The following TM4SF4 variants were observed in gnomAD, a reference collection of about 807,000 sequenced individuals.
The protein encoded by TM4SF4 is transmembrane 4 L6 family member 4.
TM4SF4 carries 24 observed loss-of-function variants against 24.1 expected under a neutral mutation model. The observed-to-expected ratio is 1.00, with a 90% CI of 0.72 to 1.40. The LOEUF (loss-of-function observed/expected upper bound fraction) is 1.40, where lower values mean the gene tolerates loss of function less well. Among genes scored for constraint, TM4SF4 ranks in the 40% most tolerant of loss-of-function variants. The pLI is 0.00. For missense variants in TM4SF4, 254 were observed against 254.2 expected (o/e 1.00, Z 0.01); for synonymous variants, 113 against 97.0 (o/e 1.17, Z -0.97).
chr3:149,496,639 G>A (rs1734316398), intron 3 of TM4SF4, among the ~76,000 whole-genome samples: 1 of 152,108 alleles, frequency 6.6e-6, no homozygotes, highest in Non-Finnish European at 1.5e-5. Flanking sequence ...GTGGTGGCAT[G>A]TGTCTGTAAT....
At chr3:149,497,848 T>C (rs568494486) in intron 3 of TM4SF4, among the ~76,000 whole-genome samples, 2 of 152,302 alleles carry the variant, frequency 1.3e-5, no homozygotes, top group Admixed American at 1.3e-4. Flanking sequence ...TTTTGCCATG[T>C]TGGCCAGGCT....
chr3:149,486,393 C>CT (rs1168520928), intron 2 of TM4SF4, among the ~76,000 whole-genome samples: 1 of 152,184 alleles, frequency 6.6e-6, no homozygotes, highest in African/African-American at 2.4e-5. Context: ...GGTCTGCTGA[C>CT]TTTAAACCCT....
chr3:149,483,956 G>T (rs1257494295), intron 2 of TM4SF4, among the ~76,000 whole-genome samples: 1 of 151,896 alleles, frequency 6.6e-6, no homozygotes, highest in African/African-American at 2.4e-5. Context: ...AATTTTTGTA[G>T]CTTTTGTAGA....
Position 149,498,872 on chromosome 3 carries a change from G to C in TM4SF4, c.552G>C (p.Gly184=). The C allele has an allele frequency of 6.2e-7, 1 of 1,613,954 alleles. No homozygotes were observed. ...TCCAGGTGGTCAATGGCCTCCTGGG[G>C]ACCCTCTGTGGGGACTGCCAGTGTT... ...CAIQVVNGLL[G]TLCGDCQCCG... is the part of the protein sequence containing the mutation. Residue 184 remains glycine, a synonymous_variant, in exon 4 of 5, where the codon GGG becomes GGC. Transcript: ENST00000305354.
intron 2 of TM4SF4, among the ~76,000 whole-genome samples, chr3:149,479,864 G>A (rs923200455): frequency 3.3e-5 from 5 of 152,132 alleles, no homozygotes; most frequent in Admixed American, 6.5e-5. Flanking sequence ...ACATTCCCCA[G>A]AGGCCAACTG....
At chr3:149,476,113 G>A (rs1235232937) in intron 2 of TM4SF4, among the ~76,000 whole-genome samples, 1 of 152,168 alleles carries the variant, frequency 6.6e-6, no homozygotes, top group African/African-American at 2.4e-5. Context: ...ATACTTATAG[G>A]GTATGAATAT....
chr3:149,487,821 G>A (rs1734145802), intron 3 of TM4SF4, 66 bp downstream of exon 3: 7 of 1,586,060 alleles, frequency 4.4e-6, no homozygotes, highest in South Asian at 1.1e-5. Context: ...ATTGCCCAAG[G>A]GGAGACTGCA....
intron 2 of TM4SF4, among the ~76,000 whole-genome samples, chr3:149,481,764 T>C (rs374534950): frequency 2.0e-5 from 3 of 152,336 alleles, no homozygotes; most frequent in South Asian, 4.1e-4. Flanking sequence ...AGAGGACATA[T>C]GATCTCAGGC....
At position 149,502,841 on chromosome 3, in the gene TM4SF4, C is replaced by T; in HGVS notation, c.*148C>T. Reference sequence around the variant, plus strand: ...GCAGTTATTCCTTCTTTCCAACCAGCTTTGCTCGAGTTAGAATTTTGTTAT... The same window carrying T: ...GCAGTTATTCCTTCTTTCCAACCAGTTTTGCTCGAGTTAGAATTTTGTTAT... On this transcript the variant is annotated 3_prime_UTR_variant, in exon 5 of 5. Coordinates refer to ENST00000305354, the MANE Select transcript of TM4SF4 (RefSeq NM_004617.4). The T allele has an allele frequency of 1.8e-6, 1 of 553,922 alleles. No homozygotes were observed. Among genetic ancestry groups the T allele is most frequent in the Non-Finnish European group, 3.2e-6 (1 of 310,960 alleles). The allele number at this position is 553,922 out of a possible 1,614,324, so 34.3% of individuals were successfully genotyped here. A position where few individuals can be genotyped will look rare whatever the true frequency, so the allele number is the denominator to read the frequency against.
intron 3 of TM4SF4, among the ~76,000 whole-genome samples, chr3:149,496,756 G>A (rs60388273): frequency 0.099 from 15,042 of 151,764 alleles, 1,273 homozygotes; most frequent in East Asian, 0.43. Flanking sequence ...CAACAAGAGC[G>A]AAACTCCGTC....
chr3:149,480,757 GAA>G (rs531434248), intron 2 of TM4SF4, among the ~76,000 whole-genome samples: 1 of 149,984 alleles, frequency 6.7e-6, no homozygotes, highest in African/African-American at 2.4e-5. Context: ...TATATTGAAA[GAA>G]AAAAAAATAA....
chr3:149,501,371 C>T (rs1296514231), intron 4 of TM4SF4, among the ~76,000 whole-genome samples: 1 of 152,136 alleles, frequency 6.6e-6, no homozygotes, highest in Non-Finnish European at 1.5e-5. Context: ...GTCTCTCTCC[C>T]CACTCCTCCT....
intron 2 of TM4SF4, among the ~76,000 whole-genome samples, chr3:149,485,983 T>G (rs918116269): frequency 3.9e-5 from 6 of 152,146 alleles, no homozygotes; most frequent in African/African-American, 1.4e-4. Context: ...ATCAATCAGA[T>G]GAGTTGGCAA....
At chr3:149,491,750 G>A (rs192149097) in intron 3 of TM4SF4, among the ~76,000 whole-genome samples, 98 of 152,208 alleles carry the variant, frequency 6.4e-4, no homozygotes, top group Admixed American at 2.5e-3. Flanking sequence ...GAAGGAGTGC[G>A]GGGGGAAACT....
chr3:149,488,098 T>C (rs1460780526), intron 3 of TM4SF4, among the ~76,000 whole-genome samples: 1 of 152,212 alleles, frequency 6.6e-6, no homozygotes, highest in Non-Finnish European at 1.5e-5. Flanking sequence ...GTAATAGTTT[T>C]CATTACAAAT....
chr3:149,487,898 T>C (rs1050377074), intron 3 of TM4SF4, 143 bp downstream of exon 3: 2 of 1,199,394 alleles, frequency 1.7e-6, no homozygotes, highest in Non-Finnish European at 2.3e-6. Context: ...AGAGATGGAG[T>C]TGTGGAATAC....
At chr3:149,485,879 A>G (rs1734107453) in intron 2 of TM4SF4, among the ~76,000 whole-genome samples, 1 of 152,226 alleles carries the variant, frequency 6.6e-6, no homozygotes, top group East Asian at 1.9e-4. Flanking sequence ...TGCAATCTAG[A>G]GTACAGGGGT....
chr3:149,479,473 A>T (rs1425009945), intron 2 of TM4SF4, among the ~76,000 whole-genome samples: 1 of 151,434 alleles, frequency 6.6e-6, no homozygotes, highest in African/African-American at 2.4e-5. Flanking sequence ...CAGCCTCCTG[A>T]GTAGCTGGTG....
intron 2 of TM4SF4, among the ~76,000 whole-genome samples, chr3:149,486,691 G>T (rs1734121722): frequency 6.6e-6 from 1 of 152,120 alleles, no homozygotes; most frequent in African/African-American, 2.4e-5. Context: ...ATATTTAAAA[G>T]AATGGAATTT....
Sources: allele counts gnomAD v4.1 joint callset (sites outside exome capture counted in the v4.1 genomes callset), GRCh38; gene constraint gnomAD v4.1.1; transcripts MANE v1.5; gene names NCBI Gene and HGNC (gene_info 2026-07-23, HGNC 2026-07-21).